Variants in ELAVL2 observed in about 807,000 individuals in gnomAD.
ELAVL2 encodes the protein ELAV like RNA binding protein 2.
In ELAVL2, 4 loss-of-function variants were observed where a neutral mutation model predicts 34.6. That is an observed-to-expected ratio of 0.12 (90% confidence interval 0.06 to 0.26). The LOEUF is 0.26. Among genes scored for constraint, ELAVL2 ranks in the 10% least tolerant of loss-of-function variants. The pLI is 1.00. For missense variants in ELAVL2, 432 were observed against 442.8 expected, an observed-to-expected ratio of 0.98 and a Z score of 0.22; for synonymous variants, 193 against 154.8, an observed-to-expected ratio of 1.25 and a Z score of -1.83.
chr9:23,710,346 A>T (rs2040587634), intron 3 of ELAVL2, among the ~76,000 whole-genome samples: 1 of 152,186 alleles, frequency 6.6e-6, no homozygotes, highest in African/African-American at 2.4e-5. Context: ...TGTACATAGC[A>T]ATGTTTAAAA....
chr9:23,836,819 C>G, the ELAVL2 span, among the ~76,000 whole-genome samples: 1 of 151,988 alleles, frequency 6.6e-6, no homozygotes, highest in Non-Finnish European at 1.5e-5. Context: ...ATTGTGGTAC[C>G]ACATTATGCT....
upstream of ELAVL2, among the ~76,000 whole-genome samples, chr9:23,828,752 T>G (rs1227336514): frequency 6.6e-6 from 1 of 152,224 alleles, no homozygotes; most frequent in Non-Finnish European, 1.5e-5. Context: ...AATATTATTT[T>G]ACTTCCTCAT....
chr9:23,760,242 A>G (rs1000654515), intron 2 of ELAVL2, among the ~76,000 whole-genome samples: 4 of 152,054 alleles, frequency 2.6e-5, no homozygotes, highest in Non-Finnish European at 4.4e-5. Flanking sequence ...TGAAAGATGT[A>G]TGATTTGTCT....
intron 3 of ELAVL2, among the ~76,000 whole-genome samples, chr9:23,715,948 A>G (rs2042178753): frequency 6.6e-6 from 1 of 152,082 alleles, no homozygotes; most frequent in South Asian, 2.1e-4. Context: ...ACTTTCATAC[A>G]CTTCTTCATC....
intron 4 of ELAVL2, 28 bp from the exon 5 acceptor site, chr9:23,701,632 A>G: frequency 6.2e-7 from 1 of 1,606,256 alleles, no homozygotes; most frequent in South Asian, 1.1e-5. Flanking sequence ...AAAGATTTGG[A>G]AAAGAGGGAA....
intron 1 of ELAVL2, among the ~76,000 whole-genome samples, chr9:23,765,843 G>A (rs1248533300): frequency 1.3e-5 from 2 of 152,164 alleles, no homozygotes; most frequent in African/African-American, 4.8e-5. Context: ...TTTTTAATAT[G>A]TAAATTGTAA....
intron 4 of ELAVL2, among the ~76,000 whole-genome samples, chr9:23,703,350 G>A (rs925951695): frequency 6.6e-6 from 1 of 152,146 alleles, no homozygotes; most frequent in Non-Finnish European, 1.5e-5. Context: ...TCTAGGCCTG[G>A]ATTTCTATTT....
At chr9:23,782,421 A>T (rs1325144677) in intron 1 of ELAVL2, among the ~76,000 whole-genome samples, 1 of 152,204 alleles carries the variant, frequency 6.6e-6, no homozygotes, top group African/African-American at 2.4e-5. Flanking sequence ...CAAAAAAAAA[A>T]ATTACAGGCG....
At chr9:23,779,605 TAC>T (rs2058759155) in intron 1 of ELAVL2, among the ~76,000 whole-genome samples, 1 of 152,028 alleles carries the variant, frequency 6.6e-6, no homozygotes, top group South Asian at 2.1e-4. Context: ...TCAGAGCAAT[TAC>T]AGTTTGGTTA....
At chr9:23,779,435 T>C (rs79557300) in intron 1 of ELAVL2, 28 of 984,714 alleles carry the variant, frequency 2.8e-5, no homozygotes, top group Non-Finnish European at 3.3e-5. Context: ...GGGAGGTGGC[T>C]GAGGGAATAT....
At chr9:23,810,820 G>A (rs1055908672) in intron 1 of ELAVL2, among the ~76,000 whole-genome samples, 2 of 152,250 alleles carry the variant, frequency 1.3e-5, no homozygotes, top group Admixed American at 6.5e-5. Flanking sequence ...GAAAAACTTG[G>A]TGTTAATCAC....
chr9:23,702,401 G>A (rs760174893), intron 4 of ELAVL2, among the ~76,000 whole-genome samples: 26 of 152,214 alleles, frequency 1.7e-4, no homozygotes, highest in Non-Finnish European at 2.8e-4. Flanking sequence ...ACACAAATGG[G>A]AAAGGATAGC....
At chr9:23,716,886 C>A (rs901082161) in intron 3 of ELAVL2, among the ~76,000 whole-genome samples, 1 of 152,178 alleles carries the variant, frequency 6.6e-6, no homozygotes, top group South Asian at 2.1e-4. Context: ...CTGTAGGACA[C>A]TGACAACACT....
At chr9:23,795,863 C>G (rs996116600) in intron 1 of ELAVL2, among the ~76,000 whole-genome samples, 4 of 152,152 alleles carry the variant, frequency 2.6e-5, no homozygotes, top group Non-Finnish European at 4.4e-5. Context: ...TTTCTAAGAG[C>G]TAAACAATCA....
At chr9:23,814,774 A>T (rs926938198) in intron 1 of ELAVL2, among the ~76,000 whole-genome samples, 1 of 152,290 alleles carries the variant, frequency 6.6e-6, no homozygotes, top group Admixed American at 6.5e-5. Flanking sequence ...CTCACCTGCC[A>T]TATCACCTCC....
At chr9:23,706,097 T>C (rs993566659) in intron 3 of ELAVL2, among the ~76,000 whole-genome samples, 3 of 152,190 alleles carry the variant, frequency 2.0e-5, no homozygotes, top group Admixed American at 2.0e-4. Flanking sequence ...TGTCTTCTCA[T>C]CCACAGGTCT....
chr9:23,809,729 G>C (rs2062728948), intron 1 of ELAVL2, among the ~76,000 whole-genome samples: 1 of 152,118 alleles, frequency 6.6e-6, no homozygotes, highest in South Asian at 2.1e-4. Flanking sequence ...CTATGTGAGA[G>C]ATCAAGTAAT....
At chr9:23,791,549 A>C (rs2060322652) in intron 1 of ELAVL2, among the ~76,000 whole-genome samples, 1 of 152,164 alleles carries the variant, frequency 6.6e-6, no homozygotes, top group African/African-American at 2.4e-5. Flanking sequence ...TATTTCCTTA[A>C]TTATTTCAGG....
chr9:23,712,626 T>C (rs941154964), intron 3 of ELAVL2, among the ~76,000 whole-genome samples: 1 of 152,148 alleles, frequency 6.6e-6, no homozygotes, highest in African/African-American at 2.4e-5. Context: ...CTACAATAGC[T>C]AGAATCTTTT....
Sources: allele counts gnomAD v4.1 joint callset (sites outside exome capture counted in the v4.1 genomes callset), GRCh38; gene constraint gnomAD v4.1.1; transcripts MANE v1.5; gene names NCBI Gene and HGNC (gene_info 2026-07-23, HGNC 2026-07-21).